GALNT13: variants seen among roughly 807,000 people sequenced by gnomAD.
GALNT13 encodes UDP-GalNAc:polypeptide N-acetylgalactosaminyltransferase 13.
GALNT13 carries 28 observed loss-of-function variants against 64.2 expected under a neutral mutation model. The observed-to-expected ratio is 0.44, with a 90% CI of 0.32 to 0.60. The LOEUF (loss-of-function observed/expected upper bound fraction) is 0.60. Among genes scored for constraint, GALNT13 ranks in the 20% least tolerant of loss-of-function variants. The pLI is 0.05. For missense variants in GALNT13, 577 were observed against 669.8 expected, an observed-to-expected ratio of 0.86 and a Z score of 1.53; for synonymous variants, 214 against 224.6, an observed-to-expected ratio of 0.95 and a Z score of 0.42.
the GALNT13 span, among the ~76,000 whole-genome samples, chr2:153,349,322 G>T: frequency 6.6e-6 from 1 of 152,212 alleles, no homozygotes; most frequent in Admixed American, 6.5e-5. Context: ...TTGATTACAT[G>T]ATGGGCATGC....
the GALNT13 span, among the ~76,000 whole-genome samples, chr2:153,271,712 A>G: frequency 2.0e-5 from 3 of 152,348 alleles, no homozygotes; most frequent in Admixed American, 6.5e-5. Flanking sequence ...TATAGATTCA[A>G]TGCTATCCCC....
At chr2:154,238,745 T>G (rs1371527523) in intron 4 of GALNT13, among the ~76,000 whole-genome samples, 2 of 152,046 alleles carry the variant, frequency 1.3e-5, no homozygotes, top group African/African-American at 2.4e-5. Flanking sequence ...TATATATACT[T>G]AAGGTATACA....
At chr2:153,524,391 G>T in the GALNT13 span, among the ~76,000 whole-genome samples, 6 of 151,024 alleles carry the variant, frequency 4.0e-5, no homozygotes, top group African/African-American at 1.2e-4. Flanking sequence ...CCCCTGCAAG[G>T]ACACCAATTT....
intron 9 of GALNT13, among the ~76,000 whole-genome samples, chr2:154,340,501 A>T (rs1469508108): frequency 6.6e-6 from 1 of 151,980 alleles, no homozygotes; most frequent in Non-Finnish European, 1.5e-5. Context: ...AATTTAATAA[A>T]ATGTTTTTTT....
intron 3 of GALNT13, among the ~76,000 whole-genome samples, chr2:153,961,564 C>A (rs1239707179): frequency 6.6e-6 from 1 of 151,912 alleles, no homozygotes; most frequent in Non-Finnish European, 1.5e-5. Context: ...ATATACAACA[C>A]CCTTTATATA....
chr2:154,337,879 C>T (rs1308344955), intron 9 of GALNT13, among the ~76,000 whole-genome samples: 2 of 151,678 alleles, frequency 1.3e-5, no homozygotes, highest in Admixed American at 6.6e-5. Context: ...AGAGAAAGCT[C>T]ATTTATATTA....
At chr2:154,113,143 T>C (rs1315054195) in intron 3 of GALNT13, among the ~76,000 whole-genome samples, 1 of 152,140 alleles carries the variant, frequency 6.6e-6, no homozygotes, top group Non-Finnish European at 1.5e-5. Context: ...GAGCTGTCTC[T>C]CAAAAGGAGA....
the GALNT13 span, among the ~76,000 whole-genome samples, chr2:153,550,926 A>G: frequency 1.3e-5 from 2 of 152,170 alleles, no homozygotes; most frequent in Admixed American, 6.5e-5. Flanking sequence ...ATAAAAAACT[A>G]TAGATTATGA....
At chr2:153,126,540 T>A in the GALNT13 span, among the ~76,000 whole-genome samples, 15 of 151,800 alleles carry the variant, frequency 9.9e-5, no homozygotes, top group Non-Finnish European at 2.1e-4. Flanking sequence ...CCAGCCTGAT[T>A]TCAACATATT....
At chr2:153,144,043 C>G in the GALNT13 span, among the ~76,000 whole-genome samples, 1 of 151,956 alleles carries the variant, frequency 6.6e-6, no homozygotes, top group African/African-American at 2.4e-5. Context: ...TCCTTTGCCA[C>G]CTCTAGCTCT....
the GALNT13 span, among the ~76,000 whole-genome samples, chr2:153,244,338 TA>T: frequency 0.28 from 43,250 of 152,068 alleles, 7,245 homozygotes; most frequent in Non-Finnish European, 0.39. Context: ...AATCAAATTA[TA>T]AATTGTGTTT....
intron 9 of GALNT13, among the ~76,000 whole-genome samples, chr2:154,316,756 T>C (rs893286240): frequency 2.6e-5 from 4 of 152,316 alleles, no homozygotes; most frequent in African/African-American, 4.8e-5. Context: ...CTTACCCTGA[T>C]GACTTTATCT....
chr2:153,078,934 T>A, the GALNT13 span, among the ~76,000 whole-genome samples: 1 of 152,312 alleles, frequency 6.6e-6, no homozygotes. Context: ...GATGTATTTT[T>A]ATGTGTTGTT....
the GALNT13 span, among the ~76,000 whole-genome samples, chr2:153,134,777 C>T: frequency 6.6e-6 from 1 of 152,094 alleles, no homozygotes; most frequent in Non-Finnish European, 1.5e-5. Context: ...CTAACTTGCT[C>T]TCCTCCCAGG....
the GALNT13 span, among the ~76,000 whole-genome samples, chr2:153,664,874 A>G: frequency 2.0e-5 from 3 of 152,150 alleles, no homozygotes; most frequent in Non-Finnish European, 4.4e-5. Flanking sequence ...TCTGACTGCA[A>G]CCAAATGAGA....
chr2:153,709,454 T>G, the GALNT13 span, among the ~76,000 whole-genome samples: 1 of 152,134 alleles, frequency 6.6e-6, no homozygotes, highest in South Asian at 2.1e-4. Context: ...ACCTCACATC[T>G]ATCAGAATTA....
the GALNT13 span, among the ~76,000 whole-genome samples, chr2:153,126,085 CTGATTGTTATTTTCCTGAT>C: frequency 0.22 from 45 of 206 alleles, no homozygotes; most frequent in Non-Finnish European, 0.33. Flanking sequence ...TTAAATAAAA[CTGATTGTTATTTTCCTGAT>C]TGTTATTTTC....
intron 9 of GALNT13, among the ~76,000 whole-genome samples, chr2:154,338,808 G>A (rs1019079851): frequency 5.9e-5 from 9 of 152,092 alleles, no homozygotes; most frequent in East Asian, 1.9e-4. Context: ...GTTAAGGTGT[G>A]GGCTCTGTCA....
At chr2:153,694,753 A>G in the GALNT13 span, among the ~76,000 whole-genome samples, 1 of 152,210 alleles carries the variant, frequency 6.6e-6, no homozygotes, top group African/African-American at 2.4e-5. Flanking sequence ...TTAAATAAAA[A>G]TGAAAGATGA....
Sources: allele counts gnomAD v4.1 joint callset (sites outside exome capture counted in the v4.1 genomes callset), GRCh38; gene constraint gnomAD v4.1.1; transcripts MANE v1.5; gene names NCBI Gene and HGNC (gene_info 2026-07-23, HGNC 2026-07-21).